ANKRD30BL: variants seen among roughly 807,000 people sequenced by gnomAD.
ANKRD30BL encodes the protein ankyrin repeat domain 30B like.
ANKRD30BL carries 20 observed loss-of-function variants against 18.4 expected under a neutral mutation model. That is an observed-to-expected ratio of 1.09 (90% CI 0.77 to 1.58). ANKRD30BL has a LOEUF of 1.58. Among genes scored for constraint, ANKRD30BL ranks in the 40% most tolerant of loss-of-function variants. ANKRD30BL has a pLI of 0.00. For synonymous variants in ANKRD30BL, 72 were observed against 100.9 expected, an observed-to-expected ratio of 0.71 and a Z score of 1.72; for missense variants, 224 against 268.6, an observed-to-expected ratio of 0.83 and a Z score of 1.16.
chr2:132,207,319 G>C lies in ANKRD30BL; in HGVS notation n.442-50173C>G, dbSNP rs961938187. Reference sequence around the variant, plus strand: ...ATAAACAAGTGTTTGTCTCCTAATTGGCATTTACCTGAGATTAAAACATTA... The same window carrying C: ...ATAAACAAGTGTTTGTCTCCTAATTCGCATTTACCTGAGATTAAAACATTA... On this transcript the variant is annotated intron_variant and non_coding_transcript_variant, in intron 1 of 4. Coordinates refer to the ANKRD30BL transcript ENST00000470729. 2.9e-4 allele frequency among the ~76,000 whole-genome samples: 44 copies of C among 152,050 alleles called. 1 individual carries two copies. Among genetic ancestry groups the C allele is most frequent in the African/African-American group, 8.9e-4 (37 of 41,480 alleles).
intron 1 of ANKRD30BL, among the ~76,000 whole-genome samples, chr2:132,182,783 A>T (rs867831099): frequency 1.1e-4 from 16 of 152,206 alleles, no homozygotes; most frequent in South Asian, 6.2e-4. Flanking sequence ...CTGAAAAATG[A>T]AAAATTGCCC....
intron 1 of ANKRD30BL, among the ~76,000 whole-genome samples, chr2:132,246,441 A>ATAG (rs1680502456): frequency 6.6e-6 from 1 of 151,436 alleles, no homozygotes; most frequent in Admixed American, 6.6e-5. Flanking sequence ...GACACCATTG[A>ATAG]GTATTTCGTT....
chr2:132,219,779 G>T (rs552101556), intron 1 of ANKRD30BL, among the ~76,000 whole-genome samples: 2 of 152,134 alleles, frequency 1.3e-5, no homozygotes, highest in African/African-American at 4.8e-5. Flanking sequence ...GAATCTGCAT[G>T]TGGATATTTG....
At chr2:132,245,499 C>G (rs1008044821) in intron 1 of ANKRD30BL, among the ~76,000 whole-genome samples, 1 of 152,272 alleles carries the variant, frequency 6.6e-6, no homozygotes, top group Non-Finnish European at 1.5e-5. Context: ...TGCTTGCAAT[C>G]AACTCACAGA....
chr2:132,152,598 T>A (rs1421914144), intron 4 of ANKRD30BL: 1 of 152,122 alleles, frequency 6.6e-6, no homozygotes, highest in Admixed American at 6.5e-5. Flanking sequence ...AAAGATGACA[T>A]GGGATTTTAC....
At chr2:132,186,098 C>T (rs1688555230) in intron 1 of ANKRD30BL, among the ~76,000 whole-genome samples, 1 of 150,636 alleles carries the variant, frequency 6.6e-6, no homozygotes, top group Non-Finnish European at 1.5e-5. Context: ...CCACTGCACT[C>T]CAACCTGGGT....
In ANKRD30BL at chr2:132,161,688, G is replaced by T. The variant is rs555962095; in HGVS notation, c.18C>A (p.Ala6=). MERLS[A]APVKGQTGPE... ...GGCCCGTCTGGCCCTTGACAGGGGC[G>T]GCAGAGAGCCTCTCCATGGCTGCAG... Residue 6 remains alanine, a synonymous_variant, in exon 1 of 6, where the codon GCC becomes GCA. Coordinates refer to ENST00000409867, the MANE Select transcript of ANKRD30BL (RefSeq NM_001358416.1). 1.3e-5 allele frequency: 19 copies of T among 1,445,522 alleles called. 1 individual carries two copies. The South Asian group carries it at 2.3e-4, about 18-fold the overall frequency. 89.5% of individuals were successfully genotyped at this position (1,445,522 alleles called of 1,614,324 possible). A position where few individuals can be genotyped will look rare whatever the true frequency, so the allele number is the denominator to read the frequency against.
chr2:132,170,930 G>A (rs1394676379), intron 1 of ANKRD30BL, among the ~76,000 whole-genome samples: 3 of 152,316 alleles, frequency 2.0e-5, no homozygotes, highest in African/African-American at 4.8e-5. Context: ...GCCGAGGCGG[G>A]CGGATCACGT....
At chr2:132,248,555 G>A (rs62164057) in intron 1 of ANKRD30BL, among the ~76,000 whole-genome samples, 8 of 150,792 alleles carry the variant, frequency 5.3e-5, no homozygotes, top group African/African-American at 1.7e-4. Context: ...ATGTGAGATG[G>A]ATGCACATAT....
At chr2:132,218,851 G>A (rs376927342) in intron 1 of ANKRD30BL, among the ~76,000 whole-genome samples, 19 of 152,146 alleles carry the variant, frequency 1.2e-4, no homozygotes, top group Middle Eastern at 3.4e-3. Flanking sequence ...TTTGTGATGC[G>A]TACATTCAAC....
intron 1 of ANKRD30BL, among the ~76,000 whole-genome samples, chr2:132,244,815 C>A (rs918782668): frequency 7.4e-5 from 11 of 147,854 alleles, no homozygotes; most frequent in African/African-American, 2.7e-4. Context: ...TGTTTGCATT[C>A]ATCTCACAGA....
chr2:132,155,762 T>A (rs1687886360), intron 3 of ANKRD30BL: 1 of 151,778 alleles, frequency 6.6e-6, no homozygotes, highest in South Asian at 2.1e-4. Flanking sequence ...TAGCTGGGCG[T>A]GGTGGCACAT....
chr2:132,227,974 T>G (rs933353214), intron 1 of ANKRD30BL, among the ~76,000 whole-genome samples: 1 of 152,178 alleles, frequency 6.6e-6, no homozygotes, highest in African/African-American at 2.4e-5. Context: ...GATGTGTGCA[T>G]TCATCTCACA....
At position 132,168,456 on chromosome 2, in the gene ANKRD30BL, A is replaced by G. The variant is rs369388168; in HGVS notation, n.442-11310T>C. Among the ~76,000 whole-genome samples, 12 of 152,336 alleles carry G rather than the reference A, an allele frequency of 7.9e-5. No individual in the cohort carries two copies. In the East Asian group the frequency reaches 1.3e-3, roughly 17 times the overall value. On this transcript the variant is annotated intron_variant and non_coding_transcript_variant, in intron 1 of 4. Transcript: ENST00000470729. ...AAGAAATCCTAAAATTTGTGATAGC[A>G]TTGATGGACTGAGAGAACATAATGC...
upstream of ANKRD30BL, among the ~76,000 whole-genome samples, chr2:132,165,524 C>G (rs981502098): frequency 7.1e-6 from 1 of 140,630 alleles, no homozygotes; most frequent in African/African-American, 2.7e-5. Context: ...TAAAATTTCC[C>G]AAATCAACAG....
intron 1 of ANKRD30BL, among the ~76,000 whole-genome samples, chr2:132,234,781 T>C (rs1318511492): frequency 6.6e-6 from 1 of 152,194 alleles, no homozygotes; most frequent in Non-Finnish European, 1.5e-5. Flanking sequence ...GTACCATTCC[T>C]TCTGAAACTA....
intron 1 of ANKRD30BL, among the ~76,000 whole-genome samples, chr2:132,227,149 A>G (rs200505108): frequency 1.3e-5 from 2 of 152,096 alleles, no homozygotes; most frequent in African/African-American, 4.8e-5. Context: ...CTCTTTTTGT[A>G]GAATATGCTA....
Position 132,196,514 on chromosome 2 carries a change from G to A in ANKRD30BL, n.442-39368C>T, listed in dbSNP as rs1256538867. Among the ~76,000 whole-genome samples the A allele has an allele frequency of 1.2e-4, 19 of 152,136 alleles. No individual in the cohort carries two copies. In the East Asian group the frequency reaches 2.1e-3, roughly 17 times the overall value. On this transcript the variant is annotated intron_variant and non_coding_transcript_variant, in intron 1 of 4. Coordinates refer to the ANKRD30BL transcript ENST00000470729. The stretch of plus-strand genomic sequence containing the variant: ...TATAAAAAATTAAAAGCAGCCAGGC[G>A]TGGTGGCTCACATCTGTAATCCCAG...
At chr2:132,155,907 A>AAAT (rs968628568) in intron 3 of ANKRD30BL, 1 of 151,814 alleles carries the variant, frequency 6.6e-6, no homozygotes, top group African/African-American at 2.4e-5. Flanking sequence ...CAAAAAAAAA[A>AAAT]AAAAAGAAGA....
Sources: allele counts gnomAD v4.1 joint callset (sites outside exome capture counted in the v4.1 genomes callset), GRCh38; gene constraint gnomAD v4.1.1; transcripts MANE v1.5; gene names NCBI Gene and HGNC (gene_info 2026-07-23, HGNC 2026-07-21).